RNF213: variants seen among roughly 807,000 people sequenced by gnomAD.
The protein encoded by RNF213 is ring finger protein 213.
Under a neutral mutation model 514.4 loss-of-function variants are expected in RNF213, and 341 were observed. That is an observed-to-expected ratio of 0.66 (90% CI 0.61 to 0.73). RNF213 has a LOEUF of 0.73. RNF213 is among the 30% of genes least tolerant of loss of function. The probability of loss-of-function intolerance (pLI) is 0.00; values close to 1 mark genes in which losing one functional copy is unlikely to be tolerated. For synonymous variants in RNF213, 2,655 were observed against 2,658.2 expected (o/e 1.00, Z 0.04); for missense variants, 5,767 against 6,615.6 (o/e 0.87, Z 4.45).
chr17:80,269,409 ATCCATCCATCCATCCATTCATCTAT>A (rs879315466), intron 2 of RNF213, among the ~76,000 whole-genome samples: 2,180 of 151,590 alleles, frequency 0.014, 24 homozygotes, highest in South Asian at 0.031. Flanking sequence ...CCTATCATCT[ATCCATCCATCCATCCATTCATCTAT>A]TCTATCTATC....
At position 80,386,538 on chromosome 17, in the gene RNF213, C is replaced by T. The variant is rs1404344989; in HGVS notation, c.14720+108C>T. ...GCCCCTTCCCTAACAGACACTCACT[C>T]CTTCAGCCGCCCCCACCAGTGACCC... On this transcript the variant is annotated intron_variant, in intron 62 of 67. Transcript: ENST00000582970. 4.2e-6 allele frequency: 6 copies of T among 1,416,146 alleles called. No homozygotes were observed. The African/African-American group carries it at 7.1e-5, about 17-fold the overall frequency. 87.7% of individuals were successfully genotyped at this position (1,416,146 alleles called of 1,614,324 possible).
intron 65 of RNF213, 135 bp from the exon 66 acceptor site, chr17:80,389,693 G>A (rs757387561): frequency 3.7e-5 from 30 of 801,140 alleles, no homozygotes; most frequent in Non-Finnish European, 2.1e-6. Flanking sequence ...CCTTCACAAG[G>A]AGGGAGATCA....
chr17:80,360,717 C>T (rs6565679), intron 38 of RNF213, among the ~76,000 whole-genome samples: 14,418 of 152,256 alleles, frequency 0.095, 1,101 homozygotes, highest in African/African-American at 0.22. Context: ...GCTCTGCTGC[C>T]AGATGCCAGA....
Position 80,353,078 on chromosome 17 carries a change from C to G in RNF213, c.10423+19C>G, listed in dbSNP as rs2078588929. 1 of 1,609,730 alleles carries G rather than the reference C, an allele frequency of 6.2e-7. No individual in the cohort carries two copies. Among genetic ancestry groups the G allele is most frequent in the Non-Finnish European group, 8.5e-7 (1 of 1,180,008 alleles). On this transcript the variant is annotated intron_variant, in intron 33 of 67. Coordinates refer to ENST00000582970, the MANE Select transcript of RNF213 (RefSeq NM_001256071.3). This position sits in a 1 kb window ranked among gnomAD's most constrained non-coding sequence, Gnocchi z 5.0. ...CCTGAGCGTGAGTCACGAGGCGGAG[C>G]CCCTGGGGGAGCAGGTGGTGGAAGG...
At chr17:80,370,224 C>T (rs1255137856) in intron 46 of RNF213, among the ~76,000 whole-genome samples, 2 of 152,238 alleles carry the variant, frequency 1.3e-5, no homozygotes, top group South Asian at 2.1e-4. Flanking sequence ...TAGAATCCTG[C>T]TCACCCTGAA....
In RNF213 at chr17:80,288,458, G is replaced by C. The variant is rs944365730; in HGVS notation, c.810+95G>C. 6.3e-7 allele frequency: 1 copy of C among 1,594,020 alleles called. No individual in the cohort carries two copies. Among genetic ancestry groups the C allele is most frequent in the African/African-American group, 1.3e-5 (1 of 74,576 alleles). On this transcript the variant is annotated intron_variant, in intron 4 of 67. Coordinates refer to ENST00000582970, the MANE Select transcript of RNF213 (RefSeq NM_001256071.3). The surrounding 1 kb of genome is among the most constrained non-coding windows in gnomAD (Gnocchi z 4.9). Reference sequence around the variant, plus strand: ...GCTGGCGTTGCTTCCCTGCCGGGGGGAGGGGCGTCCTCTGGGCCCTGCTCC... The same window carrying C: ...GCTGGCGTTGCTTCCCTGCCGGGGGCAGGGGCGTCCTCTGGGCCCTGCTCC...
Position 80,376,543 on chromosome 17 carries a change from G to C in RNF213, c.13428G>C (p.Ala4476=), listed in dbSNP as rs777173593. 1 of 1,613,958 alleles carries C rather than the reference G, an allele frequency of 6.2e-7. No individual in the cohort carries two copies. The highest frequency in any genetic ancestry group is 8.5e-7 in the Non-Finnish European group (1 of 1,180,014). Residue 4476 remains alanine (A), a splice_region_variant and synonymous_variant, in exon 52 of 68, where the codon GCG becomes GCC. Transcript: ENST00000582970. The part of the protein sequence containing the change: ...KNLAFSPATM[A]HAFLPTMPED... ...TGGCCTTCTCCCCAGCCACCATGGCGGTAAGAGTAGGCCACAATTCCATCG... is the reference window on the plus strand; with the variant it reads ...TGGCCTTCTCCCCAGCCACCATGGCCGTAAGAGTAGGCCACAATTCCATCG...
At chr17:80,325,700 G>A (rs1431797747) in intron 18 of RNF213, among the ~76,000 whole-genome samples, 4 of 151,834 alleles carry the variant, frequency 2.6e-5, no homozygotes, top group African/African-American at 7.3e-5. Context: ...CGCCCCAGGT[G>A]TTTTGTGGTC....
At chr17:80,351,566 C>T (rs979498401) in intron 31 of RNF213, 119 bp from the exon 32 acceptor site, 22 of 660,440 alleles carry the variant, frequency 3.3e-5, no homozygotes, top group African/African-American at 2.2e-4. Context: ...GCCGTGAGAC[C>T]GAACCAACAG....
At chr17:80,277,436 A>G (rs185261320) in intron 3 of RNF213, among the ~76,000 whole-genome samples, 17 of 152,098 alleles carry the variant, frequency 1.1e-4, no homozygotes, top group Non-Finnish European at 2.2e-4. Flanking sequence ...CGTCTCTACT[A>G]AAAATACAAA....
At position 80,306,357 on chromosome 17, in the gene RNF213, G is replaced by C. The variant is rs143639056; in HGVS notation, c.2316G>C (p.Met772Ile). ...TGCTACCTCTGAGTCACCTGGTTAT[G>C]TATATGGAAAACTTCATTGAGCACC... ...FSLLPLSHLV[M>I]YMENFIEHLG... Residue 772 changes from methionine (M) to isoleucine (I), a missense_variant, in exon 12 of 68, where the codon ATG becomes ATC. Coordinates refer to ENST00000582970, the MANE Select transcript of RNF213 (RefSeq NM_001256071.3). The C allele has an allele frequency of 6.2e-7, 1 of 1,614,050 alleles. No homozygotes were observed. The highest frequency in any genetic ancestry group is 8.5e-7 in the Non-Finnish European group (1 of 1,180,056).
chr17:80,385,205 C>T (rs747829918), intron 60 of RNF213, 34 bp downstream of exon 60: 1 of 1,613,304 alleles, frequency 6.2e-7, no homozygotes, highest in Admixed American at 1.7e-5. Context: ...CAGGACTGTC[C>T]CGCATTTGGC....
At chr17:80,290,454 AGTGCATGTGTGT>A (rs1393254393) in intron 6 of RNF213, 104 bp from the exon 7 acceptor site, 5 of 1,229,026 alleles carry the variant, frequency 4.1e-6, no homozygotes, top group Non-Finnish European at 5.9e-6. Context: ...TGTGTGTGCG[AGTGCATGTGTGT>A]GTGCACGTGT....
rs1381729651 is a variant in RNF213 at position 80,383,745 on chromosome 17, T to C, written c.14139T>C (p.Pro4713=). ...AAGATAAGCGTATCAGCTCTAACCCTGTGGCCAAAATAATATATGGTGACC... is the reference window on the plus strand; with the variant it reads ...AAGATAAGCGTATCAGCTCTAACCCCGTGGCCAAAATAATATATGGTGACC... ...ISQDKRISSN[P]VAKIIYGDPV... is the part of the protein sequence containing the mutation. The change falls in exon 59 of 68, where the codon CCT becomes CCC. Residue 4713 remains proline (P), a synonymous_variant. Coordinates refer to ENST00000582970, the MANE Select transcript of RNF213 (RefSeq NM_001256071.3). 1 of 1,613,928 alleles carries C rather than the reference T, an allele frequency of 6.2e-7. No homozygotes were observed. The highest frequency in any genetic ancestry group is 8.5e-7 in the Non-Finnish European group (1 of 1,179,994).
chr17:80,382,749 G>A, intron 57 of RNF213: 1 of 444,662 alleles, frequency 2.2e-6, no homozygotes, highest in Non-Finnish European at 4.2e-6. Flanking sequence ...ATGGGTCTAA[G>A]ATTACAATTA....
rs1157404156 is a variant in RNF213, at chr17:80,332,533, C to T, written c.4045C>T (p.Leu1349=). The part of the protein sequence containing the change: ...RVEQIKEYHH[L]HQAVHAAKVI... The stretch of plus-strand genomic sequence containing the variant: ...CGAACAGATCAAGGAATACCATCAC[C>T]TGCACCAGGCTGTCCACGCAGCCAA... Residue 1349 remains leucine (L), a synonymous_variant, in exon 21 of 68, where the codon CTG becomes TTG. Transcript: ENST00000582970. 2 of 1,536,670 alleles carry T rather than the reference C, an allele frequency of 1.3e-6. No homozygotes were observed. Among genetic ancestry groups the T allele is most frequent in the Admixed American group, 3.9e-5 (2 of 50,984 alleles).
chr17:80,319,595 G>T (rs931228986), intron 17 of RNF213: 3 of 1,564,382 alleles, frequency 1.9e-6, no homozygotes, highest in African/African-American at 2.7e-5. Flanking sequence ...GGGCTTGCAG[G>T]CCGTTCCTCA....
chr17:80,297,594 C>T (rs908620021), intron 10 of RNF213, among the ~76,000 whole-genome samples: 22 of 150,690 alleles, frequency 1.5e-4, no homozygotes, highest in African/African-American at 2.7e-4. Context: ...AAAATAGAGC[C>T]GGCCAACACA....
chr17:80,352,018 C>A (rs1238980084), intron 32 of RNF213: 1 of 415,804 alleles, frequency 2.4e-6, no homozygotes, highest in Non-Finnish European at 4.5e-6. Flanking sequence ...CCATGCCCAG[C>A]TAATTTTTGT....
Sources: gnomAD v4.1 joint callset for allele counts (sites outside exome capture counted in the v4.1 genomes callset) on GRCh38, gnomAD v4.1.1 for gene constraint, Gnocchi (gnomAD v3.1) non-coding constraint, MANE v1.5 for transcripts, NCBI Gene and HGNC (gene_info 2026-07-23, HGNC 2026-07-21) for gene names.